SOX6: variants seen among roughly 807,000 people sequenced by gnomAD.
SOX6 encodes the protein SRY-box transcription factor 6, also known as transcription factor SOX-6.
A neutral mutation model predicts 97.8 loss-of-function variants in SOX6; 11 were observed. That is an observed-to-expected ratio of 0.11 (90% CI 0.07 to 0.19). The LOEUF is 0.19. SOX6 is among the 10% of genes least tolerant of loss of function. SOX6 has a pLI of 1.00. For missense variants in SOX6, 810 were observed against 1,039.5 expected, an observed-to-expected ratio of 0.78 and a Z score of 3.04; for synonymous variants, 360 against 371.4, an observed-to-expected ratio of 0.97 and a Z score of 0.35.
chr11:16,295,538 G>T (rs979442436), intron 3 of SOX6, among the ~76,000 whole-genome samples: 4 of 151,828 alleles, frequency 2.6e-5, no homozygotes, highest in African/African-American at 9.7e-5. Context: ...ATTCTTACCT[G>T]GACTACAAAA....
chr11:16,023,837 T>C (rs1855140876), intron 12 of SOX6, among the ~76,000 whole-genome samples: 1 of 152,156 alleles, frequency 6.6e-6, no homozygotes, highest in Non-Finnish European at 1.5e-5. Context: ...ATAATCCTGG[T>C]AAAGCCATGC....
upstream of SOX6, among the ~76,000 whole-genome samples, chr11:16,479,426 A>C (rs1308907737): frequency 6.6e-6 from 1 of 151,902 alleles, no homozygotes; most frequent in Non-Finnish European, 1.5e-5. Context: ...GCTACTCAGG[A>C]GGCTGAGACA....
chr11:16,041,752 A>T (rs16932482), intron 12 of SOX6, among the ~76,000 whole-genome samples: 3,956 of 152,274 alleles, frequency 0.026, 165 homozygotes, highest in African/African-American at 0.09. Context: ...ATTATTATCA[A>T]GTTGGCTTTA....
At chr11:16,197,214 C>T (rs1008457926) in intron 4 of SOX6, among the ~76,000 whole-genome samples, 9 of 152,076 alleles carry the variant, frequency 5.9e-5, no homozygotes, top group Admixed American at 5.9e-4. Flanking sequence ...ATCCCTGCCC[C>T]CAAATCATTT....
chr11:16,639,192 T>C (rs1010646088), intron 3 of SOX6, among the ~76,000 whole-genome samples: 3 of 152,220 alleles, frequency 2.0e-5, no homozygotes, highest in African/African-American at 7.2e-5. Context: ...CATTTCTTGT[T>C]TTTGTCAGGT....
At chr11:16,694,685 A>G (rs1848040384) in intron 3 of SOX6, among the ~76,000 whole-genome samples, 1 of 152,208 alleles carries the variant, frequency 6.6e-6, no homozygotes, top group African/African-American at 2.4e-5. Flanking sequence ...ATAACTGGCA[A>G]GTAGTAGGGA....
chr11:16,515,160 C>A lies in SOX6; in HGVS notation n.610-38772G>T, dbSNP rs1167958108. Among the ~76,000 whole-genome samples, 48 of 150,888 alleles carry A rather than the reference C, an allele frequency of 3.2e-4. 1 individual carries two copies. The highest frequency in any genetic ancestry group is 2.8e-3 in the Admixed American group (43 of 15,140). On this transcript the variant is annotated intron_variant and non_coding_transcript_variant, in intron 4 of 5. Transcript: ENST00000524520. ...ATGGTTGAACTAGTTTACAGTCCCA[C>A]CAACAGTGTAAAAGTGTTCCTATTT...
At chr11:16,676,967 C>A (rs1011997113) in intron 3 of SOX6, among the ~76,000 whole-genome samples, 1 of 151,918 alleles carries the variant, frequency 6.6e-6, no homozygotes, top group Non-Finnish European at 1.5e-5. Context: ...CTTTTCAAAG[C>A]GTATTCCCCA....
At chr11:16,601,927 GA>G (rs1179170605) in intron 4 of SOX6, among the ~76,000 whole-genome samples, 3 of 152,156 alleles carry the variant, frequency 2.0e-5, no homozygotes, top group African/African-American at 7.2e-5. Context: ...CCCTTAAAAT[GA>G]AAAATATCTG....
At chr11:16,679,128 G>A (rs1443250182) in intron 3 of SOX6, among the ~76,000 whole-genome samples, 6 of 152,194 alleles carry the variant, frequency 3.9e-5, no homozygotes, top group Non-Finnish European at 8.8e-5. Context: ...CGTGGCATTC[G>A]AGCTCTGAGA....
intron 12 of SOX6, among the ~76,000 whole-genome samples, chr11:16,027,493 C>T (rs1004381738): frequency 3.9e-5 from 6 of 152,202 alleles, no homozygotes; most frequent in East Asian, 1.9e-4. Context: ...TTATCAAACA[C>T]GGGACAAGAG....
chr11:16,456,978 C>T (rs1483003179), intron 1 of SOX6, among the ~76,000 whole-genome samples: 2 of 151,896 alleles, frequency 1.3e-5, no homozygotes, highest in Admixed American at 1.3e-4. Context: ...TTACTCATAC[C>T]TTATATTCTA....
chr11:16,063,501 TATA>T, intron 9 of SOX6, among the ~76,000 whole-genome samples: 1 of 6,810 alleles, frequency 1.5e-4, no homozygotes, highest in South Asian at 6.2e-3. Context: ...TAATTTTATA[TATA>T]TATATATATA....
At chr11:16,042,044 A>G (rs753818294) in intron 12 of SOX6, among the ~76,000 whole-genome samples, 39 of 152,314 alleles carry the variant, frequency 2.6e-4, no homozygotes, top group Non-Finnish European at 5.0e-4. Flanking sequence ...AGCAAGCTAT[A>G]TGCTGTACAT....
At chr11:16,712,756 T>C (rs1050224568) in intron 3 of SOX6, among the ~76,000 whole-genome samples, 5 of 152,200 alleles carry the variant, frequency 3.3e-5, no homozygotes, top group African/African-American at 1.2e-4. Flanking sequence ...TGGCACTTAC[T>C]ATATAATTGT....
intron 1 of SOX6, among the ~76,000 whole-genome samples, chr11:16,394,124 A>C (rs937267865): frequency 2.0e-5 from 3 of 151,966 alleles, no homozygotes; most frequent in East Asian, 3.9e-4. Context: ...CATCTTTCCA[A>C]ATATTGTGAG....
chr11:16,688,194 G>A (rs1397850832), intron 3 of SOX6, among the ~76,000 whole-genome samples: 2 of 151,854 alleles, frequency 1.3e-5, no homozygotes, highest in Admixed American at 6.6e-5. Context: ...GGCTGGTCTC[G>A]AACTCCTGGG....
intron 3 of SOX6, among the ~76,000 whole-genome samples, chr11:16,278,581 T>C (rs1370878162): frequency 6.6e-6 from 1 of 151,660 alleles, no homozygotes; most frequent in Admixed American, 6.6e-5. Context: ...AAGTGAAAAC[T>C]AAATCAAGCA....
chr11:16,236,903 C>T (rs964866749), intron 3 of SOX6, among the ~76,000 whole-genome samples: 3 of 151,946 alleles, frequency 2.0e-5, no homozygotes, highest in Non-Finnish European at 4.4e-5. Flanking sequence ...AACTTCAAAG[C>T]GTTTCGCATT....
Sources: gnomAD v4.1 joint callset for allele counts (sites outside exome capture counted in the v4.1 genomes callset) on GRCh38, gnomAD v4.1.1 for gene constraint, MANE v1.5 for transcripts, NCBI Gene and HGNC (gene_info 2026-07-23, HGNC 2026-07-21) for gene names.